NCALD: variants seen among roughly 807,000 people sequenced by gnomAD.
The protein encoded by NCALD is neurocalcin-delta.
A neutral mutation model predicts 18.6 loss-of-function variants in NCALD; 10 were observed. That is an observed-to-expected ratio of 0.54 (90% CI 0.33 to 0.91). The LOEUF (loss-of-function observed/expected upper bound fraction) is 0.91, where lower values mean the gene tolerates loss of function less well. Ranked by LOEUF, NCALD falls within the 40% of genes least tolerant of loss-of-function variation. The probability of loss-of-function intolerance (pLI) is 0.03; values close to 1 mark genes in which losing one functional copy is unlikely to be tolerated. For synonymous variants in NCALD, 88 were observed against 87.4 expected, an observed-to-expected ratio of 1.01 and a Z score of -0.04; for missense variants, 184 against 247.6, an observed-to-expected ratio of 0.74 and a Z score of 1.72.
intron 4 of NCALD, among the ~76,000 whole-genome samples, chr8:101,883,792 A>T (rs1174553170): frequency 6.6e-6 from 1 of 152,180 alleles, no homozygotes. Flanking sequence ...TAAAACCTAT[A>T]TATTTCCTTA....
chr8:102,044,322 G>C (rs1823161826), intron 1 of NCALD, among the ~76,000 whole-genome samples: 1 of 151,942 alleles, frequency 6.6e-6, no homozygotes, highest in South Asian at 2.1e-4. Context: ...AGGACACACG[G>C]AAATGGGTTT....
chr8:101,856,850 T>G (rs1563831464), intron 4 of NCALD, among the ~76,000 whole-genome samples: 1 of 152,294 alleles, frequency 6.6e-6, no homozygotes, highest in Non-Finnish European at 1.5e-5. Flanking sequence ...TGACTCCTTC[T>G]GCTCCTGGCA....
At chr8:102,049,265 A>G (rs1197300749) in intron 1 of NCALD, among the ~76,000 whole-genome samples, 2 of 152,240 alleles carry the variant, frequency 1.3e-5, no homozygotes. Flanking sequence ...GCAACTTTCC[A>G]CATGCACAGA....
chr8:101,910,233 C>G (rs1343835901), intron 3 of NCALD, among the ~76,000 whole-genome samples: 1 of 151,966 alleles, frequency 6.6e-6, no homozygotes, highest in Non-Finnish European at 1.5e-5. Flanking sequence ...TTTTGCTGGC[C>G]CCATCTCTGT....
intron 1 of NCALD, among the ~76,000 whole-genome samples, chr8:102,039,760 G>A (rs1163238447): frequency 6.6e-6 from 1 of 152,118 alleles, no homozygotes; most frequent in Admixed American, 6.6e-5. Flanking sequence ...GGGGCCTAGT[G>A]GGAGTGTTTG....
intron 2 of NCALD, among the ~76,000 whole-genome samples, chr8:101,980,642 C>T (rs558268537): frequency 1.3e-5 from 2 of 152,186 alleles, no homozygotes; most frequent in African/African-American, 2.4e-5. Flanking sequence ...CTTTGGAAGA[C>T]GGTTTTACAT....
At chr8:102,114,633 C>T (rs1415640269) in intron 1 of NCALD, among the ~76,000 whole-genome samples, 4 of 152,248 alleles carry the variant, frequency 2.6e-5, no homozygotes, top group Non-Finnish European at 4.4e-5. Context: ...ACACACCAAG[C>T]TGCAGCTTGC....
intron 3 of NCALD, among the ~76,000 whole-genome samples, chr8:101,887,680 TG>T (rs1816724386): frequency 6.6e-6 from 1 of 151,164 alleles, no homozygotes; most frequent in South Asian, 2.1e-4. Flanking sequence ...AAGAATAATA[TG>T]TTAAAATAAT....
chr8:101,960,369 A>C (rs1462165970), intron 2 of NCALD, among the ~76,000 whole-genome samples: 1 of 152,202 alleles, frequency 6.6e-6, no homozygotes, highest in Non-Finnish European at 1.5e-5. Context: ...AGTAGAATGC[A>C]GTGAAACACA....
chr8:101,884,710 T>TTTTG (rs890685168), intron 4 of NCALD, among the ~76,000 whole-genome samples: 3 of 152,098 alleles, frequency 2.0e-5, no homozygotes, highest in Non-Finnish European at 4.4e-5. Context: ...TTGTTTTTGT[T>TTTTG]TTTGTTTTTC....
intron 4 of NCALD, among the ~76,000 whole-genome samples, chr8:101,822,366 C>A (rs1813756056): frequency 6.6e-6 from 1 of 152,144 alleles, no homozygotes; most frequent in African/African-American, 2.4e-5. Context: ...AGAACACATT[C>A]CACCTCTTCA....
At chr8:101,892,979 C>A (rs1379990613) in intron 3 of NCALD, among the ~76,000 whole-genome samples, 1 of 149,010 alleles carries the variant, frequency 6.7e-6, no homozygotes, top group African/African-American at 2.6e-5. Context: ...TCTAGCAAGG[C>A]AGGCCAACAT....
intron 1 of NCALD, among the ~76,000 whole-genome samples, chr8:101,724,843 T>C (rs868676057): frequency 6.6e-6 from 1 of 152,228 alleles, no homozygotes; most frequent in Non-Finnish European, 1.5e-5. Flanking sequence ...TTTAGCCCTA[T>C]GCTCTACTAG....
chr8:101,992,888 T>G (rs1356343914), intron 2 of NCALD, among the ~76,000 whole-genome samples: 42 of 151,802 alleles, frequency 2.8e-4, no homozygotes, highest in Non-Finnish European at 1.9e-4. Flanking sequence ...CCAGGATTTT[T>G]TTTTACTTAA....
At chr8:101,899,445 G>C (rs911684033) in intron 3 of NCALD, among the ~76,000 whole-genome samples, 1 of 151,936 alleles carries the variant, frequency 6.6e-6, no homozygotes, top group Non-Finnish European at 1.5e-5. Context: ...GGAGTGGTGA[G>C]AGCAGTCATC....
chr8:101,872,576 G>A (rs536176952), intron 4 of NCALD: 71 of 587,576 alleles, frequency 1.2e-4, no homozygotes, highest in Middle Eastern at 4.9e-4. Context: ...CAAGCCAATC[G>A]TGCTGGGGAA....
intron 2 of NCALD, among the ~76,000 whole-genome samples, chr8:101,966,509 C>A (rs1280482725): frequency 6.6e-6 from 1 of 151,122 alleles, no homozygotes; most frequent in South Asian, 2.1e-4. Context: ...GGAGGGATAG[C>A]ATTAGGAGAT....
At chr8:102,079,639 A>T (rs1396325412) in intron 1 of NCALD, among the ~76,000 whole-genome samples, 4 of 152,218 alleles carry the variant, frequency 2.6e-5, no homozygotes, top group African/African-American at 9.6e-5. Flanking sequence ...CATTTCTTTA[A>T]GAGGTTATGG....
At chr8:101,808,110 C>A (rs1054071926) in intron 4 of NCALD, among the ~76,000 whole-genome samples, 2 of 152,118 alleles carry the variant, frequency 1.3e-5, no homozygotes, top group African/African-American at 4.8e-5. Context: ...AATTACAGAT[C>A]TTACAGCTGT....
Sources: allele counts gnomAD v4.1 joint callset (sites outside exome capture counted in the v4.1 genomes callset), GRCh38; gene constraint gnomAD v4.1.1; transcripts MANE v1.5; gene names NCBI Gene and HGNC (gene_info 2026-07-23, HGNC 2026-07-21).